Variants in NINJ1 observed in about 807,000 individuals in gnomAD.
NINJ1 encodes ninjurin-1.
Under a neutral mutation model 12.7 loss-of-function variants are expected in NINJ1, and 6 were observed. That is an observed-to-expected ratio of 0.47 (90% CI 0.26 to 0.93). The LOEUF (loss-of-function observed/expected upper bound fraction) is 0.93. Ranked by LOEUF, NINJ1 falls within the 40% of genes least tolerant of loss-of-function variation. The probability of loss-of-function intolerance (pLI) is 0.15; values close to 1 mark genes in which losing one functional copy is unlikely to be tolerated. For missense variants in NINJ1, 170 were observed against 213.0 expected (o/e 0.80, Z 1.26); for synonymous variants, 100 against 96.0 (o/e 1.04, Z -0.25).
At position 93,134,156 on chromosome 9, in the gene NINJ1, G is replaced by A. The variant is rs1227098360; in HGVS notation, c.62C>T (p.Ser21Phe). The change falls in exon 1 of 4, where the codon TCC becomes TTC. Residue 21 changes from serine (S) to phenylalanine (F), a missense_variant. Ser to Phe is a radical substitution (Grantham distance 155, BLOSUM62 -2). Coordinates refer to ENST00000375446, the MANE Select transcript of NINJ1 (RefSeq NM_004148.4). ...GGAAGGTCTTACCGAGGCGTCCGGGGAGCCGGGTGTGCCCGGAGGCAGGCC... is the reference window on the plus strand; with the variant it reads ...GGAAGGTCTTACCGAGGCGTCCGGGAAGCCGGGTGTGCCCGGAGGCAGGCC... ...NGGLPPGTPGSPDASPARWGW... is the reference protein window; with the variant it reads ...NGGLPPGTPGFPDASPARWGW... 2.6e-6 allele frequency: 4 copies of A among 1,561,268 alleles called. No homozygotes were observed. The highest frequency in any genetic ancestry group is 1.9e-5 in the Admixed American group (1 of 52,974).
chr9:93,133,841 C>T (rs898863582), intron 1 of NINJ1, among the ~76,000 whole-genome samples: 1 of 152,170 alleles, frequency 6.6e-6, no homozygotes, highest in Non-Finnish European at 1.5e-5. Context: ...GTCCTTAGCC[C>T]GAGGAGCTGC....
chr9:93,127,166 T>C (rs1189820069), intron 1 of NINJ1, among the ~76,000 whole-genome samples: 2 of 152,130 alleles, frequency 1.3e-5, no homozygotes, highest in Non-Finnish European at 2.9e-5. Context: ...AACAGGCCAC[T>C]CGCCTCCAGG....
At chr9:93,125,592 C>A in intron 2 of NINJ1, 1 of 154,768 alleles carries the variant, frequency 6.5e-6, no homozygotes, top group Non-Finnish European at 1.4e-5. Context: ...GCCCACAGGC[C>A]AGGCCCTGAC....
In NINJ1 at chr9:93,126,491, C is replaced by T. The variant is rs754291134; in HGVS notation, c.223G>A (p.Ala75Thr). The T allele has an allele frequency of 9.9e-6, 16 of 1,614,080 alleles. No individual in the cohort carries two copies. Among genetic ancestry groups the T allele is most frequent in the Admixed American group, 1.7e-5 (1 of 60,002 alleles). Residue 75 changes from alanine (A) to threonine (T), a missense_variant, in exon 2 of 4, where the codon GCC becomes ACC. Physicochemically the swap from Ala to Thr is moderately conservative, Grantham distance 58. Coordinates refer to ENST00000375446, the MANE Select transcript of NINJ1 (RefSeq NM_004148.4). The part of the protein sequence containing the change: ...KAVVEQGPSF[A>T]FYVPLVVLIS... ...AGGACCACCAGGGGCACATAGAAGG[C>T]GAAGCTGGGGCCCTGTTCCACGACG...
intron 1 of NINJ1, among the ~76,000 whole-genome samples, chr9:93,128,247 G>C (rs1376665875): frequency 2.0e-5 from 3 of 152,178 alleles, no homozygotes; most frequent in Admixed American, 6.5e-5. Flanking sequence ...GCCTCTATGG[G>C]GTGTCTACTT....
intron 2 of NINJ1, 58 bp downstream of exon 2, chr9:93,126,352 G>T (rs540282147): frequency 6.8e-7 from 1 of 1,471,506 alleles, no homozygotes; most frequent in Non-Finnish European, 9.4e-7. Context: ...CCCAGGCGAT[G>T]CGAGCAGATG....
chr9:93,134,101 A>C, intron 1 of NINJ1, 42 bp downstream of exon 1: 1 of 1,454,314 alleles, frequency 6.9e-7, no homozygotes, highest in South Asian at 1.3e-5. Flanking sequence ...CCGAAAGGAC[A>C]GGGCCTGGCA....
At position 93,126,579 on chromosome 9, in the gene NINJ1, C is replaced by G; in HGVS notation, c.135G>C (p.Lys45Asn). Residue 45 changes from lysine (K) to asparagine (N), a missense_variant, in exon 2 of 4, where the codon AAG (lysine) becomes AAC (asparagine). Lys to Asn is a moderately conservative substitution (Grantham distance 94). Coordinates refer to ENST00000375446, the MANE Select transcript of NINJ1 (RefSeq NM_004148.4). ...PINVNHYASKKSAAESMLDIA... is the reference protein window; with the variant it reads ...PINVNHYASKNSAAESMLDIA... ...TGTCCAGCATGCTCTCGGCTGCGCTCTTCTTGCTGGCGTAATGGTTCACGT... is the reference window on the plus strand; with the variant it reads ...TGTCCAGCATGCTCTCGGCTGCGCTGTTCTTGCTGGCGTAATGGTTCACGT... 13 of 1,613,826 alleles carry G rather than the reference C, an allele frequency of 8.1e-6. No homozygotes were observed. Among genetic ancestry groups the G allele is most frequent in the Non-Finnish European group, 1.1e-5 (13 of 1,179,884 alleles).
At chr9:93,133,669 GGTGAC>G (rs1827930798) in intron 1 of NINJ1, among the ~76,000 whole-genome samples, 2 of 152,252 alleles carry the variant, frequency 1.3e-5, no homozygotes, top group African/African-American at 4.8e-5. Flanking sequence ...GTCAGCGTGG[GGTGAC>G]GTAACTGTCT....
intron 1 of NINJ1, among the ~76,000 whole-genome samples, chr9:93,130,263 A>C (rs945215057): frequency 1.3e-5 from 2 of 152,136 alleles, no homozygotes; most frequent in Admixed American, 1.3e-4. Context: ...CGGCCTCCCC[A>C]CTGCAGGCTG....
intron 1 of NINJ1, among the ~76,000 whole-genome samples, chr9:93,133,631 C>T (rs1827930238): frequency 1.3e-5 from 2 of 152,228 alleles, no homozygotes; most frequent in South Asian, 2.1e-4. Flanking sequence ...CCCAAGTTCC[C>T]CCATCAAGGC....
At chr9:93,129,426 A>C (rs535253116) in intron 1 of NINJ1, among the ~76,000 whole-genome samples, 51 of 152,198 alleles carry the variant, frequency 3.4e-4, no homozygotes, top group African/African-American at 8.4e-4. Flanking sequence ...GTGGCCAGCA[A>C]ATGCCCTGAC....
rs1008936849 is a variant in NINJ1 at position 93,125,150 on chromosome 9, G to A, written c.305-88C>T. ...ACAGTGGAAGGGGACCCACCCCAGCGGTCAAGCTGTCCTGGGACATTACAG... is the reference window on the plus strand; with the variant it reads ...ACAGTGGAAGGGGACCCACCCCAGCAGTCAAGCTGTCCTGGGACATTACAG... On this transcript the variant is annotated intron_variant, in intron 2 of 3. Coordinates refer to ENST00000375446, the MANE Select transcript of NINJ1 (RefSeq NM_004148.4). The A allele has an allele frequency of 2.5e-5, 34 of 1,360,158 alleles. 1 individual carries two copies. In the Admixed American group the frequency reaches 4.5e-4, roughly 18 times the overall value. 84.3% of individuals were successfully genotyped at this position (1,360,158 alleles called of 1,614,324 possible). A position where few individuals can be genotyped will look rare whatever the true frequency, so the allele number is the denominator to read the frequency against.
At chr9:93,125,183 A>C in intron 2 of NINJ1, 121 bp from the exon 3 acceptor site, 1 of 936,130 alleles carries the variant, frequency 1.1e-6, no homozygotes, top group Non-Finnish European at 1.6e-6. Context: ...CAGGGCTCTC[A>C]GTCGCATTTA....
rs568990951 is a variant in NINJ1, at chr9:93,130,136, C to T, written c.76-3498G>A. Among the ~76,000 whole-genome samples, 23 of 152,350 alleles carry T rather than the reference C, an allele frequency of 1.5e-4. No homozygotes were observed. The South Asian group carries it at 3.9e-3, about 26-fold the overall frequency. On this transcript the variant is annotated intron_variant, in intron 1 of 3. Coordinates refer to ENST00000375446, the MANE Select transcript of NINJ1 (RefSeq NM_004148.4). ...AGATTCCCAGAACCTCAGCAGCACT[C>T]GGGGCCTGGGGCCAGGCCAGATATA...
chr9:93,123,209 C>T (rs1229636447), intron 3 of NINJ1, among the ~76,000 whole-genome samples: 1 of 152,138 alleles, frequency 6.6e-6, no homozygotes, highest in Non-Finnish European at 1.5e-5. Context: ...AGGGGTGAGG[C>T]CAGGTGGATG....
chr9:93,134,126 T>TG lies in NINJ1; in HGVS notation c.75+16dup, dbSNP rs1564221762. 7.8e-6 allele frequency: 12 copies of TG among 1,536,800 alleles called. No individual in the cohort carries two copies. Among genetic ancestry groups the TG allele is most frequent in the South Asian group, 3.6e-5 (3 of 82,520 alleles). On this transcript the variant is annotated intron_variant, in intron 1 of 3. Transcript: ENST00000375446. ...AGGGCCTGGCAAGATCATGCAGCGG[T>TG]GGGGGGAAGGTCTTACCGAGGCGTC...
Position 93,134,132 on chromosome 9 carries a change from G to T in NINJ1, c.75+11C>A. ...TGGCAAGATCATGCAGCGGTGGGGG[G>T]AAGGTCTTACCGAGGCGTCCGGGGA... On this transcript the variant is annotated intron_variant, in intron 1 of 3. Transcript: ENST00000375446. The T allele has an allele frequency of 6.5e-7, 1 of 1,548,078 alleles. No individual in the cohort carries two copies. Among genetic ancestry groups the T allele is most frequent in the Non-Finnish European group, 8.7e-7 (1 of 1,144,970 alleles).
At chr9:93,133,041 G>A (rs529553148) in intron 1 of NINJ1, among the ~76,000 whole-genome samples, 6 of 152,348 alleles carry the variant, frequency 3.9e-5, no homozygotes, top group African/African-American at 7.2e-5. Context: ...ACAGCCGGAG[G>A]AGCCCCCTGC....
Sources: allele counts gnomAD v4.1 joint callset (sites outside exome capture counted in the v4.1 genomes callset), GRCh38; gene constraint gnomAD v4.1.1; transcripts MANE v1.5; gene names NCBI Gene and HGNC (gene_info 2026-07-23, HGNC 2026-07-21).